The following BMPER variants were observed in gnomAD, a reference collection of about 807,000 sequenced individuals.
BMPER encodes BMP-binding endothelial regulator protein.
In BMPER, 45 loss-of-function variants were observed where a neutral mutation model predicts 87.3. The ratio of observed to expected loss-of-function variants is 0.52; its 90% CI spans 0.41 to 0.66. BMPER has a LOEUF of 0.66. Among genes scored for constraint, BMPER ranks in the 30% least tolerant of loss-of-function variants. BMPER has a pLI of 0.00. For missense variants in BMPER, 784 were observed against 867.5 expected (o/e 0.90, Z 1.21); for synonymous variants, 326 against 316.2 (o/e 1.03, Z -0.33).
chr7:33,940,985 T>A (rs182142315), intron 3 of BMPER, among the ~76,000 whole-genome samples: 221 of 135,410 alleles, frequency 1.6e-3, no homozygotes, highest in Non-Finnish European at 2.9e-3. Flanking sequence ...TTATATATAT[T>A]ATATATTTAT....
upstream of BMPER, chr7:33,905,243 C>A (rs562389845): frequency 5.8e-6 from 2 of 342,152 alleles, no homozygotes; most frequent in Admixed American, 4.1e-5. Context: ...AGTGCGCAGT[C>A]GGCAGCGCCG....
chr7:34,058,144 C>T lies in BMPER; in HGVS notation c.1013C>T (p.Pro338Leu). ...RTECRNKQCIPISSCPQGKIL... is the reference protein window; with the variant it reads ...RTECRNKQCILISSCPQGKIL... ...GAGTGTCGCAATAAGCAGTGCATTC[C>T]CATCAGTAGCTGCCCACAGGTATGT... The change falls in exon 10 of 15, where the codon CCC (proline) becomes CTC (leucine). Residue 338 changes from proline (P) to leucine (L), a missense_variant. By Grantham distance (98) the Pro-to-Leu change is moderately conservative. Coordinates refer to ENST00000649409, the MANE Select transcript of BMPER (RefSeq NM_001365308.1). The T allele has an allele frequency of 1.2e-6, 2 of 1,613,986 alleles. No homozygotes were observed. The highest frequency in any genetic ancestry group is 2.2e-5 in the South Asian group (2 of 91,080).
At chr7:33,922,049 T>C in intron 2 of BMPER, 3 of 337,144 alleles carry the variant, frequency 8.9e-6, no homozygotes, top group South Asian at 4.5e-5. Context: ...CTTCTCTCCC[T>C]TTTGCTGCCC....
intron 3 of BMPER, among the ~76,000 whole-genome samples, chr7:33,947,964 T>G (rs532649405): frequency 6.6e-6 from 1 of 152,164 alleles, no homozygotes; most frequent in African/African-American, 2.4e-5. Context: ...ACACTTTCTG[T>G]GTTGACAGAG....
intron 13 of BMPER, among the ~76,000 whole-genome samples, chr7:34,141,719 T>C (rs911585113): frequency 5.3e-5 from 8 of 151,838 alleles, no homozygotes; most frequent in Non-Finnish European, 7.4e-5. Flanking sequence ...TCAAATAATC[T>C]CTCAGTCCTT....
chr7:34,003,804 A>G (rs1017174409), intron 6 of BMPER, among the ~76,000 whole-genome samples: 2 of 152,160 alleles, frequency 1.3e-5, no homozygotes, highest in South Asian at 4.1e-4. Context: ...GCTCTCTTGT[A>G]TATAATGAGT....
At chr7:33,959,684 T>G (rs1785224401) in intron 3 of BMPER, among the ~76,000 whole-genome samples, 1 of 152,222 alleles carries the variant, frequency 6.6e-6, no homozygotes, top group Admixed American at 6.5e-5. Context: ...TTCCCTTTAT[T>G]GTATTAATTA....
chr7:34,019,046 C>T (rs1787111467), intron 6 of BMPER, among the ~76,000 whole-genome samples: 1 of 151,892 alleles, frequency 6.6e-6, no homozygotes, highest in African/African-American at 2.4e-5. Context: ...TGAGCAGTAA[C>T]CCCACAGATG....
intron 3 of BMPER, among the ~76,000 whole-genome samples, chr7:33,958,217 T>G (rs1785191816): frequency 6.6e-6 from 1 of 152,238 alleles, no homozygotes; most frequent in South Asian, 2.1e-4. Flanking sequence ...TTCTTGCATT[T>G]GCTCTCTTCT....
Position 33,992,225 on chromosome 7 carries a change from T to C in BMPER, c.576+17441T>C, listed in dbSNP as rs1306738410. Among the ~76,000 whole-genome samples the C allele has an allele frequency of 3.7e-5, 5 of 135,020 alleles. No homozygotes were observed. The East Asian group carries it at 1.1e-3, about 30-fold the overall frequency. 88.6% of individuals were successfully genotyped at this position (135,020 alleles called of 152,430 possible). On this transcript the variant is annotated intron_variant, in intron 6 of 14. Transcript: ENST00000649409. ...TAATGTTGACAGTGGGGTGTTAAAG[T>C]CTCCCATTATTAATGTGTGGGAGTC...
At chr7:33,922,485 A>ATTG (rs1344138255) in intron 2 of BMPER, among the ~76,000 whole-genome samples, 2 of 151,948 alleles carry the variant, frequency 1.3e-5, no homozygotes, top group Non-Finnish European at 2.9e-5. Context: ...ACCTTATTTT[A>ATTG]TTGTTGTTGT....
intron 2 of BMPER, among the ~76,000 whole-genome samples, chr7:33,918,329 G>T (rs953577101): frequency 9.9e-5 from 15 of 152,136 alleles, no homozygotes; most frequent in Non-Finnish European, 1.6e-4. Flanking sequence ...TTTTCTAATT[G>T]AACAGCGCCA....
At chr7:34,072,066 G>A (rs1374681249) in intron 11 of BMPER, among the ~76,000 whole-genome samples, 3 of 152,152 alleles carry the variant, frequency 2.0e-5, no homozygotes, top group Non-Finnish European at 2.9e-5. Context: ...ACTATTGGCC[G>A]AGTAACCATG....
chr7:34,129,662 A>G (rs1400304266), intron 13 of BMPER, among the ~76,000 whole-genome samples: 1 of 151,210 alleles, frequency 6.6e-6, no homozygotes, highest in Non-Finnish European at 1.5e-5. Flanking sequence ...GAAAGAAAGA[A>G]AGAAAGAAAG....
At chr7:33,922,768 C>T (rs1215936135) in intron 2 of BMPER, among the ~76,000 whole-genome samples, 2 of 152,100 alleles carry the variant, frequency 1.3e-5, no homozygotes, top group African/African-American at 2.4e-5. Flanking sequence ...CTGGGGTTAG[C>T]TAACGGGCTA....
chr7:34,024,377 A>AC (rs1562695111), intron 6 of BMPER, among the ~76,000 whole-genome samples: 12 of 90,888 alleles, frequency 1.3e-4, no homozygotes, highest in African/African-American at 6.3e-4. Context: ...AAAAAAAAAA[A>AC]AAAAACAATA....
intron 13 of BMPER, among the ~76,000 whole-genome samples, chr7:34,122,222 A>G (rs1790282108): frequency 6.6e-6 from 1 of 152,292 alleles, no homozygotes. Flanking sequence ...ACCCACCCCA[A>G]CAGATTCTGC....
intron 11 of BMPER, among the ~76,000 whole-genome samples, chr7:34,069,533 G>C (rs549980648): frequency 6.6e-6 from 1 of 152,250 alleles, no homozygotes; most frequent in South Asian, 2.1e-4. Flanking sequence ...ATTAGCCTGA[G>C]GGTGAAAGAA....
intron 3 of BMPER, among the ~76,000 whole-genome samples, chr7:33,961,074 G>C (rs1464930839): frequency 1.3e-5 from 2 of 152,162 alleles, no homozygotes; most frequent in Non-Finnish European, 2.9e-5. Context: ...AGGAGAACAT[G>C]GATGAGATTC....
Sources: gnomAD v4.1 joint callset for allele counts (sites outside exome capture counted in the v4.1 genomes callset) on GRCh38, gnomAD v4.1.1 for gene constraint, MANE v1.5 for transcripts, NCBI Gene and HGNC (gene_info 2026-07-23, HGNC 2026-07-21) for gene names.